The following LTF variants were observed in gnomAD, a reference collection of about 807,000 sequenced individuals.
The protein encoded by LTF is epididymis luminal protein 110.
Under a neutral mutation model 87.2 loss-of-function variants are expected in LTF, and 91 were observed. The ratio of observed to expected loss-of-function variants is 1.04; its 90% CI spans 0.88 to 1.24. The LOEUF (loss-of-function observed/expected upper bound fraction) is 1.24. Among genes scored for constraint, LTF ranks in the 50% most tolerant of loss-of-function variants. The probability of loss-of-function intolerance (pLI) is 0.00; values close to 1 mark genes in which losing one functional copy is unlikely to be tolerated. For synonymous variants in LTF, 378 were observed against 356.1 expected (o/e 1.06, Z -0.69); for missense variants, 901 against 904.3 (o/e 1.00, Z 0.05).
chr3:46,482,689 AAGGAAGGAAGGAAG>A (rs1254936093), intron 1 of LTF, among the ~76,000 whole-genome samples: 3 of 125,000 alleles, frequency 2.4e-5, no homozygotes, highest in African/African-American at 6.4e-5. Flanking sequence ...GGAAGGAAGG[AAGGAAGGAAGGAAG>A]GAAAGAAAGA....
At chr3:46,458,866 G>A (rs1214298769) in intron 2 of LTF, among the ~76,000 whole-genome samples, 1 of 152,214 alleles carries the variant, frequency 6.6e-6, no homozygotes, top group African/African-American at 2.4e-5. Flanking sequence ...GAGCCACCGC[G>A]CCCAGCCACT....
intron 1 of LTF, among the ~76,000 whole-genome samples, chr3:46,471,517 T>A (rs1703286103): frequency 6.6e-6 from 1 of 152,152 alleles, no homozygotes; most frequent in African/African-American, 2.4e-5. Flanking sequence ...TAGCTGTGCA[T>A]CCCCAGGGTC....
chr3:46,454,712 AG>A lies in LTF; in HGVS notation c.648-353del, dbSNP rs536155793. Among the ~76,000 whole-genome samples, 603 of 152,276 alleles carry A rather than the reference AG, an allele frequency of 4.0e-3. 5 individuals carry two copies. Among genetic ancestry groups the A allele is most frequent in the African/African-American group, 0.014 (582 of 41,544 alleles). ...CTGAGTGTGCAGGTGTGCCCTGGCCAGTGGGGAAGTGTGGAGGCCTCCCTCT... is the reference window on the plus strand; with the variant it reads ...CTGAGTGTGCAGGTGTGCCCTGGCCATGGGGAAGTGTGGAGGCCTCCCTCT... On this transcript the variant is annotated intron_variant, in intron 5 of 16. Transcript: ENST00000231751.
At chr3:46,453,508 G>A (rs1363839860) in intron 6 of LTF, among the ~76,000 whole-genome samples, 1 of 151,946 alleles carries the variant, frequency 6.6e-6, no homozygotes, top group Non-Finnish European at 1.5e-5. Context: ...TGTGGGTGTT[G>A]TCTCTTTCTC....
chr3:46,464,915 G>A (rs766263469), upstream of LTF: 9 of 1,595,188 alleles, frequency 5.6e-6, no homozygotes, highest in Admixed American at 1.7e-5. Flanking sequence ...TGCCACTTGC[G>A]CCTGCCCTGC....
chr3:46,443,210 A>G (rs189019317), intron 13 of LTF, among the ~76,000 whole-genome samples: 1 of 152,240 alleles, frequency 6.6e-6, no homozygotes, highest in Non-Finnish European at 1.5e-5. Flanking sequence ...GCTCAAAGCC[A>G]CAGGGAGAAG....
At chr3:46,447,104 T>C (rs1281716808) in intron 10 of LTF, among the ~76,000 whole-genome samples, 1 of 152,244 alleles carries the variant, frequency 6.6e-6, no homozygotes, top group East Asian at 1.9e-4. Context: ...ATTAAGAAGA[T>C]AAAACCAACC....
At chr3:46,484,245 G>C (rs1441462140) in intron 1 of LTF, among the ~76,000 whole-genome samples, 1 of 152,222 alleles carries the variant, frequency 6.6e-6, no homozygotes, top group African/African-American at 2.4e-5. Context: ...TTGAGCTGGG[G>C]CCTGGGCTCT....
intron 1 of LTF, among the ~76,000 whole-genome samples, chr3:46,476,222 T>C (rs1703357948): frequency 6.6e-6 from 1 of 152,250 alleles, no homozygotes; most frequent in Non-Finnish European, 1.5e-5. Flanking sequence ...TGAACAGATA[T>C]GGAGATAACA....
intron 15 of LTF, 90 bp from the exon 16 acceptor site, chr3:46,438,219 C>T: frequency 9.2e-7 from 1 of 1,092,088 alleles, no homozygotes; most frequent in Non-Finnish European, 1.4e-6. Context: ...CACCCAAGAA[C>T]AGCCCTGAGA....
chr3:46,463,680 A>G (rs887144528), intron 1 of LTF: 16 of 984,198 alleles, frequency 1.6e-5, no homozygotes, highest in Admixed American at 1.2e-4. Context: ...ACCACAGCCC[A>G]TGACCACTTC....
intron 5 of LTF, 97 bp downstream of exon 5, chr3:46,455,198 G>A: frequency 6.8e-7 from 1 of 1,465,200 alleles, no homozygotes; most frequent in Non-Finnish European, 9.5e-7. Flanking sequence ...TCGTCCCCAA[G>A]AGCAGGCTGG....
At chr3:46,473,450 C>A (rs58970771) in intron 1 of LTF, among the ~76,000 whole-genome samples, 9,400 of 152,258 alleles carry the variant, frequency 0.062, 1,011 homozygotes, top group African/African-American at 0.21. Context: ...ATTCCTCCCA[C>A]TAAGTACAGA....
Position 46,450,082 on chromosome 3 carries a change from A to G in LTF, c.883-54T>C. On this transcript the variant is annotated intron_variant, in intron 7 of 16. Transcript: ENST00000231751. ...TCAATGGTAAATAGGGAGGAAACAA[A>G]AAAATGATGTTAAAAAAGAGTATCT... 10 of 1,386,750 alleles carry G rather than the reference A, an allele frequency of 7.2e-6. No individual in the cohort carries two copies. The South Asian group carries it at 1.2e-4, about 17-fold the overall frequency. 85.9% of individuals were successfully genotyped at this position (1,386,750 alleles called of 1,614,324 possible). A position where few individuals can be genotyped will look rare whatever the true frequency, so the allele number is the denominator to read the frequency against.
chr3:46,457,764 A>AT (rs1332186125), intron 2 of LTF, among the ~76,000 whole-genome samples: 4 of 151,846 alleles, frequency 2.6e-5, no homozygotes, highest in African/African-American at 9.7e-5. Context: ...ATGATTCTAC[A>AT]TTTTTTCCAA....
intron 12 of LTF, among the ~76,000 whole-genome samples, chr3:46,444,641 G>A (rs1702600433): frequency 1.3e-5 from 2 of 152,192 alleles, no homozygotes; most frequent in African/African-American, 4.8e-5. Flanking sequence ...GCCTGCCCCG[G>A]CCAGGATCAA....
intron 1 of LTF, among the ~76,000 whole-genome samples, chr3:46,476,207 A>C (rs920471383): frequency 6.6e-6 from 1 of 152,218 alleles, no homozygotes; most frequent in Non-Finnish European, 1.5e-5. Flanking sequence ...CTTTCCGTAC[A>C]ATGTTGAACA....
At chr3:46,463,728 AG>A (rs1703143069) in intron 1 of LTF, 1 of 885,236 alleles carries the variant, frequency 1.1e-6, no homozygotes, top group African/African-American at 1.8e-5. Flanking sequence ...TGCCCCTCCC[AG>A]GTGGCCCTAA....
At chr3:46,471,108 G>A (rs915894584) in intron 1 of LTF, among the ~76,000 whole-genome samples, 6 of 152,154 alleles carry the variant, frequency 3.9e-5, no homozygotes, top group African/African-American at 9.7e-5. Context: ...CAGAGGCTGC[G>A]GGGAGTTTTG....
Sources: gnomAD v4.1 joint callset for allele counts (sites outside exome capture counted in the v4.1 genomes callset) on GRCh38, gnomAD v4.1.1 for gene constraint, MANE v1.5 for transcripts, NCBI Gene and HGNC (gene_info 2026-07-23, HGNC 2026-07-21) for gene names.